PGM5: variants seen among roughly 807,000 people sequenced by gnomAD.
PGM5 encodes phosphoglucomutase-like protein 5.
In PGM5, 23 loss-of-function variants were observed where a neutral mutation model predicts 59.2. The ratio of observed to expected loss-of-function variants is 0.39; its 90% CI spans 0.28 to 0.55. PGM5 has a LOEUF of 0.55. PGM5 is among the 20% of genes least tolerant of loss of function. The pLI, the probability that PGM5 is intolerant of heterozygous loss-of-function variation, is 0.66. For missense variants in PGM5, 574 were observed against 748.3 expected (o/e 0.77, Z 2.72); for synonymous variants, 214 against 286.0 (o/e 0.75, Z 2.54).
At chr9:68,376,833 C>CTTTCTCTT (rs1461144548) in intron 1 of PGM5, among the ~76,000 whole-genome samples, 11 of 77,958 alleles carry the variant, frequency 1.4e-4, no homozygotes, top group South Asian at 3.7e-4. Flanking sequence ...TTCTTTCTTT[C>CTTTCTCTT]TCTTTCTTTC....
chr9:68,479,387 A>G (rs1554686919), intron 7 of PGM5, 31 bp from the exon 8 acceptor site: 8 of 1,586,158 alleles, frequency 5.0e-6, no homozygotes, highest in African/African-American at 1.4e-5. Flanking sequence ...CCACAAATGA[A>G]TGCTCAGCAG....
intron 2 of PGM5, among the ~76,000 whole-genome samples, chr9:68,383,304 A>C (rs1822124569): frequency 6.6e-6 from 1 of 152,144 alleles, no homozygotes; most frequent in African/African-American, 2.4e-5. Flanking sequence ...AAAAAGTGAA[A>C]AGAAACAAGT....
rs56236007 is a variant in PGM5, at chr9:68,381,851, T to C, written c.425-2547T>C. Reference sequence around the variant, plus strand: ...TAAATTTAACCAAGGGGTGAAAGTATACTGAAAACTATAAAACATTGATTG... The same window carrying C: ...TAAATTTAACCAAGGGGTGAAAGTACACTGAAAACTATAAAACATTGATTG... On this transcript the variant is annotated intron_variant, in intron 2 of 10. Transcript: ENST00000396396. 1.8e-3 allele frequency among the ~76,000 whole-genome samples: 267 copies of C among 151,956 alleles called. 1 individual carries two copies. Among genetic ancestry groups the C allele is most frequent in the African/African-American group, 5.9e-3 (245 of 41,514 alleles).
rs1824241468 is a variant in PGM5, at chr9:68,483,896, A to T, written c.1327A>T (p.Thr443Ser). The change falls in exon 9 of 11, where the codon ACA becomes TCA. Residue 443 changes from threonine (T) to serine (S), a missense_variant. Around this residue, in one of 7 missense-constraint regions of PGM5, gnomAD observed 300 missense variants for 280.0 expected, o/e 1.07. Coordinates refer to ENST00000396396, the MANE Select transcript of PGM5 (RefSeq NM_021965.4). ...CTATGAGGGGTTGGATCCCAAGACG[A>T]CATATTATATCATGAGGGACCTGGA... The part of the protein sequence containing the change: ...FDYEGLDPKT[T>S]YYIMRDLEAL... 1.9e-6 allele frequency: 3 copies of T among 1,614,028 alleles called. No individual in the cohort carries two copies. In the South Asian group the frequency reaches 3.3e-5, roughly 18 times the overall value.
At chr9:68,525,582 C>T (rs976000936) in intron 10 of PGM5, among the ~76,000 whole-genome samples, 5 of 152,220 alleles carry the variant, frequency 3.3e-5, no homozygotes, top group African/African-American at 9.6e-5. Flanking sequence ...ATATGAAAAA[C>T]AATATATAAA....
At position 68,529,586 on chromosome 9, in the gene PGM5, T is replaced by C. The variant is rs1168764787; in HGVS notation, c.1634T>C (p.Ile545Thr). The C allele has an allele frequency of 1.3e-6, 2 of 1,597,536 alleles. No individual in the cohort carries two copies. Among genetic ancestry groups the C allele is most frequent in the Non-Finnish European group, 8.6e-7 (1 of 1,169,376 alleles). ...QEPQAVLSPL[I>T]AIALKISQIH... ...TTGCAGGCAGTGCTGAGCCCTCTCATAGCCATCGCACTGAAAATATCCCAG... is the reference window on the plus strand; with the variant it reads ...TTGCAGGCAGTGCTGAGCCCTCTCACAGCCATCGCACTGAAAATATCCCAG... Residue 545 changes from isoleucine to threonine, a missense_variant, in exon 11 of 11, where the codon ATA becomes ACA. Coordinates refer to ENST00000396396, the MANE Select transcript of PGM5 (RefSeq NM_021965.4).
At chr9:68,444,762 G>T (rs76053591) in intron 6 of PGM5, among the ~76,000 whole-genome samples, 13,961 of 152,246 alleles carry the variant, frequency 0.092, 724 homozygotes, top group Middle Eastern at 0.17. Context: ...AGAAACAACA[G>T]CTTTCAGATC....
At chr9:68,460,801 A>G (rs1823846724) in intron 6 of PGM5, among the ~76,000 whole-genome samples, 1 of 152,200 alleles carries the variant, frequency 6.6e-6, no homozygotes, top group Non-Finnish European at 1.5e-5. Context: ...TAGACATTGA[A>G]GGAGCCATGA....
intron 9 of PGM5, chr9:68,497,778 T>G (rs1367392997): frequency 6.6e-6 from 1 of 152,244 alleles, no homozygotes; most frequent in Non-Finnish European, 1.5e-5. Context: ...CTCCTCTTCC[T>G]TCCCCTGGCC....
At chr9:68,368,776 G>T (rs1201105176) in intron 1 of PGM5, among the ~76,000 whole-genome samples, 5 of 152,138 alleles carry the variant, frequency 3.3e-5, no homozygotes, top group African/African-American at 1.2e-4. Flanking sequence ...CCAAGAAGCT[G>T]GGACTACAGG....
intron 9 of PGM5, among the ~76,000 whole-genome samples, chr9:68,496,368 G>C (rs1170953115): frequency 2.0e-5 from 3 of 152,192 alleles, no homozygotes; most frequent in African/African-American, 7.2e-5. Flanking sequence ...CATGGTGCTG[G>C]GATTGTTGCA....
chr9:68,505,900 C>T (rs1367548071), intron 10 of PGM5, among the ~76,000 whole-genome samples: 3 of 152,162 alleles, frequency 2.0e-5, no homozygotes, highest in African/African-American at 7.2e-5. Context: ...CTGTTTGGTT[C>T]CTCTGGCAGC....
At chr9:68,396,546 C>A (rs1300522456) in intron 6 of PGM5, 5 of 152,224 alleles carry the variant, frequency 3.3e-5, no homozygotes, top group African/African-American at 1.2e-4. Context: ...CAGTCAGAAA[C>A]CAGAGGCCTT....
chr9:68,454,623 A>G (rs782406692), intron 6 of PGM5, among the ~76,000 whole-genome samples: 1 of 152,174 alleles, frequency 6.6e-6, no homozygotes, highest in Non-Finnish European at 1.5e-5. Context: ...GTAAGGAGAC[A>G]TATTATCATT....
intron 2 of PGM5, among the ~76,000 whole-genome samples, chr9:68,379,359 G>A: frequency 6.6e-6 from 1 of 152,078 alleles, no homozygotes; most frequent in East Asian, 1.9e-4. Flanking sequence ...CTCATCCCAG[G>A]CAAAGCAGTG....
intron 1 of PGM5, among the ~76,000 whole-genome samples, chr9:68,371,437 T>G (rs1217073895): frequency 6.6e-6 from 1 of 152,204 alleles, no homozygotes; most frequent in East Asian, 1.9e-4. Flanking sequence ...AGTAAAATGG[T>G]ACTTTAAGGG....
At chr9:68,436,385 A>G (rs1341309566) in intron 6 of PGM5, among the ~76,000 whole-genome samples, 1 of 152,218 alleles carries the variant, frequency 6.6e-6, no homozygotes, top group Non-Finnish European at 1.5e-5. Flanking sequence ...TGGTAGGTCA[A>G]GATGATCGTG....
intron 6 of PGM5, among the ~76,000 whole-genome samples, chr9:68,404,244 A>C (rs1234742394): frequency 2.0e-5 from 3 of 152,176 alleles, no homozygotes; most frequent in Non-Finnish European, 4.4e-5. Context: ...CTCATGCCTC[A>C]GCCTCCCGAG....
chr9:68,454,503 G>A (rs1823742431), intron 6 of PGM5, among the ~76,000 whole-genome samples: 1 of 152,218 alleles, frequency 6.6e-6, no homozygotes, highest in Non-Finnish European at 1.5e-5. Flanking sequence ...TGTTATGGCA[G>A]GATGATGCCG....
Sources: gnomAD v4.1 joint callset for allele counts (sites outside exome capture counted in the v4.1 genomes callset) on GRCh38, gnomAD v4.1.1 for gene constraint, gnomAD v4.1.1 regional missense constraint, MANE v1.5 for transcripts, NCBI Gene and HGNC (gene_info 2026-07-23, HGNC 2026-07-21) for gene names.